ZNF224: variants seen among roughly 807,000 people sequenced by gnomAD.
ZNF224 encodes zinc finger protein 224, also known as bone marrow zinc finger 2.
Under a neutral mutation model 10.5 loss-of-function variants are expected in ZNF224, and 8 were observed. That is an observed-to-expected ratio of 0.76 (90% confidence interval 0.45 to 1.37). ZNF224 has a LOEUF of 1.37. Ranked by LOEUF, ZNF224 falls within the 40% of genes most tolerant of loss-of-function variation. ZNF224 has a pLI of 0.00. For synonymous variants in ZNF224, 282 were observed against 287.8 expected (o/e 0.98, Z 0.20); for missense variants, 754 against 854.0 (o/e 0.88, Z 1.46).
Position 44,106,462 on chromosome 19 carries a change from A to C in ZNF224, c.302A>C (p.Gln101Pro). Residue 101 changes from glutamine (Q) to proline (P), a missense_variant, in exon 6 of 6, where the codon CAG becomes CCG. Transcript: ENST00000693561. ...EAGTHQEWSF[Q>P]QIWEKIASDL... The stretch of plus-strand genomic sequence containing the variant: ...GGAACACATCAAGAGTGGTCCTTCC[A>C]GCAAATCTGGGAAAAAATTGCAAGT... 1 of 1,614,192 alleles carries C rather than the reference A, an allele frequency of 6.2e-7. No individual in the cohort carries two copies. Among genetic ancestry groups the C allele is most frequent in the Non-Finnish European group, 8.5e-7 (1 of 1,180,024 alleles).
At chr19:44,097,587 T>C (rs1159788167) in intron 2 of ZNF224, 1 of 386,714 alleles carries the variant, frequency 2.6e-6, no homozygotes, top group Non-Finnish European at 4.6e-6. Flanking sequence ...GTACTTCATT[T>C]CTTTAAATTT....
intron 2 of ZNF224, among the ~76,000 whole-genome samples, chr19:44,097,359 G>T (rs1020814864): frequency 1.3e-5 from 2 of 152,138 alleles, no homozygotes; most frequent in East Asian, 3.9e-4. Context: ...CCACAATTCG[G>T]TGATCATTTC....
rs1265174052 is a variant in ZNF224, at chr19:44,101,166, TC to T, written c.178del (p.Leu60Ter). On this transcript the variant is annotated frameshift_variant, in exon 5 of 6. Coordinates refer to ENST00000693561, the MANE Select transcript of ZNF224 (RefSeq NM_001321645.3). LOFTEE classifies it high-confidence loss of function. The stretch of plus-strand genomic sequence containing the variant: ...GCATTCCACAGGGATACTTTCCACT[TC>T]CTAAGGGAAGAAAAGATTTGGATGA... Reference protein sequence around the residue: ...HQAFHRDTFHFLREEKIWMMK... With the variant: ...HQAFHRDTFHXLREEKIWMMK... 6 of 1,614,136 alleles carry T rather than the reference TC, an allele frequency of 3.7e-6. No homozygotes were observed. Among genetic ancestry groups the T allele is most frequent in the Non-Finnish European group, 5.1e-6 (6 of 1,180,014 alleles).
rs759929672 is a variant in ZNF224 at position 44,107,924 on chromosome 19, A to T, written c.1764A>T (p.Arg588Ser). Residue 588 changes from arginine to serine, a missense_variant, in exon 6 of 6, where the codon AGA becomes AGT. Coordinates refer to ENST00000693561, the MANE Select transcript of ZNF224 (RefSeq NM_001321645.3). ...TQNSQLHSHQ[R>S]VHTGEKPYKC... The stretch of plus-strand genomic sequence containing the variant: ...ATTCACAGCTTCATTCTCATCAAAG[A>T]GTGCACACTGGAGAAAAGCCATACA... 3.5e-5 allele frequency: 57 copies of T among 1,614,056 alleles called. 1 individual carries two copies. In the South Asian group the frequency reaches 4.9e-4, roughly 14 times the overall value.
At chr19:44,104,888 T>G (rs532494387) in intron 5 of ZNF224, among the ~76,000 whole-genome samples, 2 of 152,356 alleles carry the variant, frequency 1.3e-5, no homozygotes, top group South Asian at 4.1e-4. Context: ...GGTCTCGATC[T>G]CCTGACCTCG....
Position 44,108,197 on chromosome 19 carries a change from A to C in ZNF224, c.2037A>C (p.Thr679=). 1.9e-6 allele frequency: 3 copies of C among 1,614,162 alleles called. No individual in the cohort carries two copies. Among genetic ancestry groups the C allele is most frequent in the Non-Finnish European group, 2.5e-6 (3 of 1,179,956 alleles). ...AGAGGGTCCACATGGGAGAGAAAAC[A>C]TGGAAGTGTAGGGAGTGTGATATGT... ...MHQRVHMGEK[T]WKCRECDMCF... is the part of the protein sequence containing the mutation. The change falls in exon 6 of 6, where the codon ACA becomes ACC. Residue 679 remains threonine, a synonymous_variant. Coordinates refer to ENST00000693561, the MANE Select transcript of ZNF224 (RefSeq NM_001321645.3).
chr19:44,095,378 G>A (rs527691952), intron 1 of ZNF224: 3 of 152,364 alleles, frequency 2.0e-5, no homozygotes, highest in Non-Finnish European at 4.4e-5. Context: ...ATAGGCACCC[G>A]ACTAGTGAGA....
chr19:44,094,587 T>G (rs1967401597), intron 1 of ZNF224, 57 bp downstream of exon 1: 1 of 152,554 alleles, frequency 6.6e-6, no homozygotes, highest in African/African-American at 2.4e-5. Context: ...TTCTTGGGCT[T>G]GGGTCTGTCC....
At position 44,108,787 on chromosome 19, in the gene ZNF224, A is replaced by G. The variant is rs922605837; in HGVS notation, c.*503A>G. On this transcript the variant is annotated 3_prime_UTR_variant, in exon 6 of 6. Coordinates refer to ENST00000693561, the MANE Select transcript of ZNF224 (RefSeq NM_001321645.3). ...TTAAATCAATGAAAGGATAAAACATATGTATGGATTTGGATACAATTTTGT... is the reference window on the plus strand; with the variant it reads ...TTAAATCAATGAAAGGATAAAACATGTGTATGGATTTGGATACAATTTTGT... 2 of 500,824 alleles carry G rather than the reference A, an allele frequency of 4.0e-6. No individual in the cohort carries two copies. The highest frequency in any genetic ancestry group is 8.1e-6 in the Non-Finnish European group (2 of 247,200). The allele number at this position is 500,824 out of a possible 1,614,324, so 31.0% of individuals were successfully genotyped here.
rs748474861 is a variant in ZNF224 at position 44,107,384 on chromosome 19, A to T, written c.1224A>T (p.Gly408=). 6.2e-7 allele frequency: 1 copy of T among 1,604,510 alleles called. No homozygotes were observed. The highest frequency in any genetic ancestry group is 1.1e-5 in the South Asian group (1 of 89,336). Residue 408 remains glycine (G), a synonymous_variant, in exon 6 of 6, where the codon GGA becomes GGT. Coordinates refer to ENST00000693561, the MANE Select transcript of ZNF224 (RefSeq NM_001321645.3). ...TCAAATGTGAAGAATGTGGGAAAGG[A>T]TTTTACACAAATTCACAATGCTATT... ...KPFKCEECGK[G]FYTNSQCYSH... is the part of the protein sequence containing the mutation.
intron 3 of ZNF224, among the ~76,000 whole-genome samples, chr19:44,098,212 A>G (rs991823270): frequency 2.0e-5 from 3 of 152,160 alleles, no homozygotes; most frequent in African/African-American, 7.2e-5. Context: ...TGTATTGGTG[A>G]TGTTAATCTA....
rs1234084536 is a variant in ZNF224 at position 44,104,913 on chromosome 19, C to T, written c.236-1483C>T. On this transcript the variant is annotated intron_variant, in intron 5 of 5. Coordinates refer to ENST00000693561, the MANE Select transcript of ZNF224 (RefSeq NM_001321645.3). ...TCCTGACCTCGTGATCTGCCCGCTT[C>T]GGCCTCCCGAAGTGCTGGGATTACA... Among the ~76,000 whole-genome samples the T allele has an allele frequency of 3.3e-5, 5 of 152,338 alleles. No individual in the cohort carries two copies. In the South Asian group the frequency reaches 6.2e-4, roughly 19 times the overall value.
At chr19:44,105,473 G>T (rs1472724439) in intron 5 of ZNF224, 1 of 152,022 alleles carries the variant, frequency 6.6e-6, no homozygotes, top group Non-Finnish European at 1.5e-5. Context: ...TATAATGTTT[G>T]TATCATATTA....
intron 3 of ZNF224, among the ~76,000 whole-genome samples, chr19:44,098,820 C>T (rs1004079464): frequency 1.3e-5 from 2 of 152,206 alleles, no homozygotes; most frequent in Non-Finnish European, 2.9e-5. Context: ...CTCAGGTGAT[C>T]CACCTGCCTC....
At position 44,107,292 on chromosome 19, in the gene ZNF224, G is replaced by A; in HGVS notation, c.1132G>A (p.Gly378Arg). 1 of 1,586,152 alleles carries A rather than the reference G, an allele frequency of 6.3e-7. No homozygotes were observed. The change falls in exon 6 of 6, where the codon GGG becomes AGG. Residue 378 changes from glycine to arginine, a missense_variant. By Grantham distance (125) the Gly-to-Arg change is moderately radical. Coordinates refer to ENST00000693561, the MANE Select transcript of ZNF224 (RefSeq NM_001321645.3). ...GEKPYNCKEC[G>R]KSFRWASCLL... ...AAAGCCATATAATTGTAAAGAGTGT[G>A]GGAAGAGCTTCAGATGGGCCTCGTG...
chr19:44,102,972 G>A (rs774089246), intron 5 of ZNF224, among the ~76,000 whole-genome samples: 11 of 152,168 alleles, frequency 7.2e-5, no homozygotes, highest in Non-Finnish European at 1.5e-4. Flanking sequence ...GGGGAAGAAT[G>A]AGGAAGAGAG....
intron 5 of ZNF224, among the ~76,000 whole-genome samples, chr19:44,102,585 GTATT>G (rs1305947474): frequency 6.6e-6 from 1 of 152,190 alleles, no homozygotes; most frequent in African/African-American, 2.4e-5. Context: ...CAATGGCCAT[GTATT>G]TAATTACAAT....
chr19:44,101,213 G>C lies in ZNF224; in HGVS notation c.223G>C (p.Glu75Gln). The C allele has an allele frequency of 1.2e-6, 2 of 1,614,060 alleles. 1 individual carries two copies. Among genetic ancestry groups the C allele is most frequent in the South Asian group, 2.2e-5 (2 of 91,074 alleles). The change falls in exon 5 of 6, where the codon GAA (glutamate) becomes CAA (glutamine). Residue 75 changes from glutamate to glutamine, a missense_variant. By Grantham distance (29) the Glu-to-Gln change is conservative. Coordinates refer to ENST00000693561, the MANE Select transcript of ZNF224 (RefSeq NM_001321645.3). The stretch of plus-strand genomic sequence containing the variant: ...GATGATGAAGACAGCAATCCAAAGG[G>C]AAGGGAATTCAGGTAAGAATCAAGC... ...IWMMKTAIQR[E>Q]GNSGDKIQTE...
chr19:44,103,066 A>G (rs1967581016), intron 5 of ZNF224, among the ~76,000 whole-genome samples: 1 of 152,216 alleles, frequency 6.6e-6, no homozygotes, highest in Non-Finnish European at 1.5e-5. Flanking sequence ...CCTTCATTGT[A>G]TACAGATTTA....
Sources: allele counts gnomAD v4.1 joint callset (sites outside exome capture counted in the v4.1 genomes callset), GRCh38; gene constraint gnomAD v4.1.1; transcripts MANE v1.5; gene names NCBI Gene and HGNC (gene_info 2026-07-23, HGNC 2026-07-21).